The following THBS2 variants were observed in gnomAD, a reference collection of about 807,000 sequenced individuals.
THBS2 encodes thrombospondin-2.
In THBS2, 47 loss-of-function variants were observed where a neutral mutation model predicts 135.2. That is an observed-to-expected ratio of 0.35 (90% CI 0.28 to 0.44). The LOEUF is 0.44. Ranked by LOEUF, THBS2 falls within the 20% of genes least tolerant of loss-of-function variation. The pLI is 1.00. For synonymous variants in THBS2, 639 were observed against 633.8 expected, an observed-to-expected ratio of 1.01 and a Z score of -0.12; for missense variants, 1,288 against 1,603.1, an observed-to-expected ratio of 0.80 and a Z score of 3.36.
intron 9 of THBS2, 131 bp from the exon 10 acceptor site, chr6:169,235,038 A>G: frequency 1.1e-6 from 1 of 903,600 alleles, no homozygotes; most frequent in Non-Finnish European, 1.6e-6. Flanking sequence ...GTTTCTCCCC[A>G]GGTTGGCTGA....
chr6:169,233,120 G>T (rs1354861018), intron 10 of THBS2, 103 bp from the exon 11 acceptor site: 3 of 1,396,020 alleles, frequency 2.1e-6, no homozygotes, highest in East Asian at 2.5e-5. Flanking sequence ...CTTTGTCATC[G>T]AATTGTGTAG....
intron 7 of THBS2, among the ~76,000 whole-genome samples, chr6:169,238,906 G>A (rs890577911): frequency 2.6e-5 from 4 of 152,106 alleles, no homozygotes; most frequent in Non-Finnish European, 5.9e-5. Flanking sequence ...TAGACCTGAA[G>A]CACCTTGCCA....
chr6:169,242,693 TTCCCACCTTCCCACC>T, intron 4 of THBS2, among the ~76,000 whole-genome samples: 1 of 94,836 alleles, frequency 1.1e-5, no homozygotes, highest in African/African-American at 4.2e-5. Flanking sequence ...CCTTCCCATC[TTCCCACCTTCCCACC>T]ACTCCCACCT....
chr6:169,222,794 CAAA>C (rs67630546), intron 18 of THBS2, among the ~76,000 whole-genome samples: 31 of 133,858 alleles, frequency 2.3e-4, no homozygotes, highest in Admixed American at 3.7e-4. Flanking sequence ...GACTCCATCT[CAAA>C]AAAAAAAAAA....
intron 4 of THBS2, among the ~76,000 whole-genome samples, chr6:169,243,089 C>T (rs1780416951): frequency 2.1e-5 from 2 of 93,582 alleles, no homozygotes; most frequent in Admixed American, 1.1e-4. Context: ...CTTCCCACTG[C>T]TCCCACCTTC....
In THBS2 at chr6:169,228,126, C is replaced by G; in HGVS notation, c.2415G>C (p.Gly805=). ...GGAAGGAGCAGAAGCACCCACCGTCCCCATCAATGTCCACGGAGCAGGCGT... is the reference window on the plus strand; with the variant it reads ...GGAAGGAGCAGAAGCACCCACCGTCGCCATCAATGTCCACGGAGCAGGCGT... ...EGDACSVDID[G]DDVFNERDNC... The change falls in exon 15 of 22, where the codon GGG becomes GGC. Residue 805 remains glycine, a synonymous_variant. Coordinates refer to ENST00000617924, the MANE Select transcript of THBS2 (RefSeq NM_003247.5). The G allele has an allele frequency of 6.2e-7, 1 of 1,612,716 alleles. No homozygotes were observed. The highest frequency in any genetic ancestry group is 8.5e-7 in the Non-Finnish European group (1 of 1,179,498).
chr6:169,247,439 ATGAG>A (rs1253399906), intron 3 of THBS2, among the ~76,000 whole-genome samples: 4 of 151,834 alleles, frequency 2.6e-5, no homozygotes, highest in South Asian at 2.1e-4. Flanking sequence ...ATACGTGTGT[ATGAG>A]TATGTGTGCA....
In THBS2 at chr6:169,231,964, G is replaced by T. The variant is rs747051226; in HGVS notation, c.2151+16C>A. The stretch of plus-strand genomic sequence containing the variant: ...ACCGCCGTGGCCCCGTGTGCCCTGC[G>T]AGCCCCGCGCCTCACCTTGATGCAG... On this transcript the variant is annotated intron_variant, in intron 13 of 21. Transcript: ENST00000617924. The T allele has an allele frequency of 6.2e-7, 1 of 1,612,378 alleles. No homozygotes were observed. The highest frequency in any genetic ancestry group is 1.1e-5 in the South Asian group (1 of 91,008).
intron 6 of THBS2, among the ~76,000 whole-genome samples, chr6:169,240,250 G>A (rs1414215617): frequency 6.6e-6 from 1 of 152,124 alleles, no homozygotes; most frequent in African/African-American, 2.4e-5. Context: ...CTGGGCTCTG[G>A]TTCTTTATGT....
chr6:169,247,167 C>T (rs1390980242), intron 3 of THBS2, among the ~76,000 whole-genome samples: 2 of 152,152 alleles, frequency 1.3e-5, no homozygotes, highest in African/African-American at 2.4e-5. Flanking sequence ...TCTCAACTGA[C>T]GATAATTAGT....
rs1216603533 is a variant in THBS2, at chr6:169,224,112, T to A, written c.2774-637A>T. 3.4e-5 allele frequency among the ~76,000 whole-genome samples: 5 copies of A among 145,570 alleles called. No homozygotes were observed. The Admixed American group carries it at 3.5e-4, about 10-fold the overall frequency. On this transcript the variant is annotated intron_variant, in intron 17 of 21. Transcript: ENST00000617924. Reference sequence around the variant, plus strand: ...ACCTGACAGGCAGATTGCAATGTACTGAATTAGCTATCACGTGGCCTGCCG... The same window carrying A: ...ACCTGACAGGCAGATTGCAATGTACAGAATTAGCTATCACGTGGCCTGCCG...
chr6:169,248,928 C>T lies in THBS2; in HGVS notation c.98G>A (p.Ser33Asn). The T allele has an allele frequency of 1.2e-6, 2 of 1,613,306 alleles. No homozygotes were observed. The highest frequency in any genetic ancestry group is 1.7e-6 in the Non-Finnish European group (2 of 1,179,626). The change falls in exon 3 of 22, where the codon AGC (serine) becomes AAC (asparagine). Residue 33 changes from serine to asparagine, a missense_variant. By Grantham distance (46) the Ser-to-Asn change is conservative. Transcript: ENST00000617924. ...GCCAATGGTCTTGCGGTTGATGTTGCTGATACTGAAAAGGTCGAAGGTCGT... is the reference window on the plus strand; with the variant it reads ...GCCAATGGTCTTGCGGTTGATGTTGTTGATACTGAAAAGGTCGAAGGTCGT... ...KDTTFDLFSISNINRKTIGAK... is the reference protein window; with the variant it reads ...KDTTFDLFSINNINRKTIGAK...
At chr6:169,244,164 GTTTTT>G (rs34458367) in intron 4 of THBS2, among the ~76,000 whole-genome samples, 208 of 120,322 alleles carry the variant, frequency 1.7e-3, no homozygotes, top group African/African-American at 5.6e-3. Context: ...ATTTCTCTGT[GTTTTT>G]TTTTTTTTTT....
At chr6:169,220,454 C>T in intron 20 of THBS2, 117 bp from the exon 21 acceptor site, 2 of 1,300,068 alleles carry the variant, frequency 1.5e-6, no homozygotes, top group Non-Finnish European at 2.1e-6. Flanking sequence ...CCGCCCAGGG[C>T]TTCAGTGCCC....
intron 16 of THBS2, 63 bp from the exon 17 acceptor site, chr6:169,225,442 C>A: frequency 6.8e-7 from 1 of 1,479,064 alleles, no homozygotes. Flanking sequence ...GGAGAGGAAC[C>A]AGCAGGACGC....
rs1022641307 is a variant in THBS2, at chr6:169,226,220, T to A, written c.2498A>T (p.Asp833Val). 6.2e-7 allele frequency: 1 copy of A among 1,614,084 alleles called. No individual in the cohort carries two copies. Among genetic ancestry groups the A allele is most frequent in the Non-Finnish European group, 8.5e-7 (1 of 1,179,984 alleles). The stretch of plus-strand genomic sequence containing the variant: ...CACCAGGGGGCAGTTGTCACAGTGA[T>A]CCCCCACACCGTCACCATCCGTGTC... Reference protein sequence around the residue: ...QRDTDGDGVGDHCDNCPLVHN... With the variant: ...QRDTDGDGVGVHCDNCPLVHN... Residue 833 changes from aspartate (D) to valine (V), a missense_variant, in exon 16 of 22, where the codon GAT becomes GTT. Physicochemically the swap from Asp to Val is radical, Grantham distance 152 (BLOSUM62 -3). This residue lies in a region of THBS2 where 874 missense variants were observed against 1,156.1 expected (regional missense o/e 0.76). Coordinates refer to ENST00000617924, the MANE Select transcript of THBS2 (RefSeq NM_003247.5).
Position 169,237,746 on chromosome 6 carries a change from G to A in THBS2, c.1179C>T (p.Cys393=). Residue 393 remains cysteine, a synonymous_variant, in exon 8 of 22, where the codon TGC becomes TGT. Transcript: ENST00000617924. ...GWSPWAEWTQ[C]SVTCGSGTQQ... ...GGGTCCCAGAGCCACACGTCACGGA[G>A]CACTGGGTCCACTCTGCCCACGGAG... The A allele has an allele frequency of 6.2e-7, 1 of 1,612,316 alleles. No individual in the cohort carries two copies. Among genetic ancestry groups the A allele is most frequent in the Non-Finnish European group, 8.5e-7 (1 of 1,179,978 alleles).
rs534131439 is a variant in THBS2 at position 169,218,729 on chromosome 6, G to GAGAT, written c.3512-904_3512-901dup. Among the ~76,000 whole-genome samples the GAGAT allele has an allele frequency of 1.1e-4, 16 of 142,900 alleles. No individual in the cohort carries two copies. In the South Asian group the frequency reaches 3.3e-3, roughly 30 times the overall value. 93.7% of individuals were successfully genotyped at this position (142,900 alleles called of 152,430 possible). A position where few individuals can be genotyped will look rare whatever the true frequency, so the allele number is the denominator to read the frequency against. On this transcript the variant is annotated intron_variant, in intron 21 of 21. Coordinates refer to ENST00000617924, the MANE Select transcript of THBS2 (RefSeq NM_003247.5). ...GGATGAGACAGGTGGATGGATGGAT[G>GAGAT]AGATAGGTGGGTGGATGAGATGGAT...
intron 10 of THBS2, among the ~76,000 whole-genome samples, chr6:169,233,859 G>A (rs925560734): frequency 6.9e-6 from 1 of 145,136 alleles, no homozygotes; most frequent in Non-Finnish European, 1.5e-5. Context: ...CCACACGTCA[G>A]GTGCTATACC....
Sources: allele counts gnomAD v4.1 joint callset (sites outside exome capture counted in the v4.1 genomes callset), GRCh38; gene constraint gnomAD v4.1.1; regional missense constraint gnomAD v4.1.1; transcripts MANE v1.5; gene names NCBI Gene and HGNC (gene_info 2026-07-23, HGNC 2026-07-21).